Variants in NICN1 observed in about 807,000 individuals in gnomAD.
NICN1 encodes the protein nicolin 1, tubulin polyglutamylase complex subunit.
Under a neutral mutation model 26.3 loss-of-function variants are expected in NICN1, and 18 were observed. The observed-to-expected ratio is 0.68, with a 90% CI of 0.47 to 1.01. NICN1 has a LOEUF of 1.01. NICN1 is among the 50% of genes least tolerant of loss of function. The pLI, the probability that NICN1 is intolerant of heterozygous loss-of-function variation, is 0.00. For synonymous variants in NICN1, 109 were observed against 111.0 expected, an observed-to-expected ratio of 0.98 and a Z score of 0.11; for missense variants, 239 against 278.3, an observed-to-expected ratio of 0.86 and a Z score of 1.00.
At chr3:49,426,509 C>T (rs555768865) in intron 1 of NICN1, 81 bp from the exon 2 acceptor site, 7 of 981,856 alleles carry the variant, frequency 7.1e-6, no homozygotes, top group Non-Finnish European at 1.1e-5. Context: ...GGTGCCACCT[C>T]TTCCTTCTCC....
In NICN1 at chr3:49,425,797, C is replaced by A. The variant is rs771916170; in HGVS notation, c.423+86G>T. 3.2e-4 allele frequency: 221 copies of A among 687,960 alleles called. 1 individual carries two copies. Among genetic ancestry groups the A allele is most frequent in the East Asian group, 1.1e-3 (43 of 37,616 alleles). 42.6% of individuals were successfully genotyped at this position (687,960 alleles called of 1,614,324 possible). On this transcript the variant is annotated intron_variant, in intron 3 of 5. Transcript: ENST00000273598. ...ATGAAGGCCCCATTCACAATCTTCA[C>A]CCATTACCCACCCCACCACCTAGCT...
chr3:49,429,267 C>T lies in NICN1; in HGVS notation c.-28G>A. 6.4e-7 allele frequency: 1 copy of T among 1,574,600 alleles called. No individual in the cohort carries two copies. The highest frequency in any genetic ancestry group is 2.4e-5 in the East Asian group (1 of 41,288). Reference sequence around the variant, plus strand: ...TGACAGCAGCCGCAACTAAGTGCAACCGCCGCTCTAGGCCCCCGACCACCA... The same window carrying T: ...TGACAGCAGCCGCAACTAAGTGCAATCGCCGCTCTAGGCCCCCGACCACCA... On this transcript the variant is annotated 5_prime_UTR_variant, in exon 1 of 6. Coordinates refer to ENST00000273598, the MANE Select transcript of NICN1 (RefSeq NM_032316.3).
chr3:49,424,474 G>C lies in NICN1; in HGVS notation c.*359C>G. 4.7e-6 allele frequency: 2 copies of C among 424,250 alleles called. No homozygotes were observed. Among genetic ancestry groups the C allele is most frequent in the Non-Finnish European group, 8.6e-6 (2 of 231,548 alleles). The allele number at this position is 424,250 out of a possible 1,614,324, so 26.3% of individuals were successfully genotyped here. A position where few individuals can be genotyped will look rare whatever the true frequency, so the allele number is the denominator to read the frequency against. On this transcript the variant is annotated 3_prime_UTR_variant, in exon 6 of 6. Transcript: ENST00000273598. ...TCCATACATGGAGCAGGTTTTAGTA[G>C]GTCAGCCCAGCCCAACTGCACTGAC...
At chr3:49,424,924 C>T (rs2049158586) in intron 5 of NICN1, 25 bp downstream of exon 5, 3 of 1,613,062 alleles carry the variant, frequency 1.9e-6, no homozygotes, top group Non-Finnish European at 8.5e-7. Flanking sequence ...CAAAGCAAGC[C>T]AAGCAGAAGG....
intron 2 of NICN1, 57 bp downstream of exon 2, chr3:49,426,195 C>T (rs999928134): frequency 6.4e-7 from 1 of 1,555,376 alleles, no homozygotes; most frequent in Non-Finnish European, 8.8e-7. Flanking sequence ...ATCCAATCCC[C>T]CCACCTCTGG....
In NICN1 at chr3:49,424,451, C is replaced by T. The variant is rs1575311503; in HGVS notation, c.*382G>A. On this transcript the variant is annotated 3_prime_UTR_variant, in exon 6 of 6. Transcript: ENST00000273598. ...CATGGCAGCAATGGCCTTCCAGGTC[C>T]ATACATGGAGCAGGTTTTAGTAGGT... 5.8e-6 allele frequency: 2 copies of T among 347,336 alleles called. No homozygotes were observed. The highest frequency in any genetic ancestry group is 5.3e-6 in the Non-Finnish European group (1 of 187,506). The allele number at this position is 347,336 out of a possible 1,614,324, so 21.5% of individuals were successfully genotyped here. A position where few individuals can be genotyped will look rare whatever the true frequency, so the allele number is the denominator to read the frequency against.
chr3:49,427,021 T>C (rs2049175784), intron 1 of NICN1, among the ~76,000 whole-genome samples: 1 of 152,036 alleles, frequency 6.6e-6, no homozygotes, highest in Admixed American at 6.6e-5. Context: ...CCAAGTGGAC[T>C]AAGAAATGTA....
chr3:49,426,204 G>T, intron 2 of NICN1, 48 bp downstream of exon 2: 1 of 1,582,298 alleles, frequency 6.3e-7, no homozygotes. Flanking sequence ...CCCCACCTCT[G>T]GTAAGTCCTC....
At position 49,426,388 on chromosome 3, in the gene NICN1, A is replaced by G. The variant is rs778228835; in HGVS notation, c.173T>C (p.Leu58Ser). Residue 58 changes from leucine to serine, a missense_variant, in exon 2 of 6, where the codon TTG (leucine) becomes TCG (serine). By Grantham distance (145) the Leu-to-Ser change is moderately radical. Transcript: ENST00000273598. The stretch of plus-strand genomic sequence containing the variant: ...GGTGTACTGACGGACACGGATGCTC[A>G]AAAAAGCTGTGTAGTAATTCTTAAA... ...ITFKNYYTAFLSIRVRQYTSA... is the reference protein window; with the variant it reads ...ITFKNYYTAFSSIRVRQYTSA... 1 of 1,614,086 alleles carries G rather than the reference A, an allele frequency of 6.2e-7. No homozygotes were observed. Among genetic ancestry groups the G allele is most frequent in the East Asian group, 2.2e-5 (1 of 44,882 alleles).
Position 49,422,540 on chromosome 3 carries a change from G to GTC in NICN1, c.*2291_*2292dup. 5.1e-6 allele frequency: 7 copies of GTC among 1,369,392 alleles called. No homozygotes were observed. Among genetic ancestry groups the GTC allele is most frequent in the African/African-American group, 4.3e-5 (3 of 69,796 alleles). The allele number at this position is 1,369,392 out of a possible 1,614,324, so 84.8% of individuals were successfully genotyped here. A position where few individuals can be genotyped will look rare whatever the true frequency, so the allele number is the denominator to read the frequency against. The stretch of plus-strand genomic sequence containing the variant: ...GTAGTCCAGGCCTCTGCTCGGACAG[G>GTC]TCTCTCTCCGGAGCAAAGGATCTGA... On this transcript the variant is annotated 3_prime_UTR_variant, in exon 6 of 6. Coordinates refer to ENST00000273598, the MANE Select transcript of NICN1 (RefSeq NM_032316.3).
At position 49,422,529 on chromosome 3, in the gene NICN1, T is replaced by G; in HGVS notation, c.*2304A>C. 7.0e-7 allele frequency: 1 copy of G among 1,436,452 alleles called. No individual in the cohort carries two copies. The highest frequency in any genetic ancestry group is 9.7e-7 in the Non-Finnish European group (1 of 1,035,536). 89.0% of individuals were successfully genotyped at this position (1,436,452 alleles called of 1,614,324 possible). On this transcript the variant is annotated 3_prime_UTR_variant, in exon 6 of 6. Coordinates refer to ENST00000273598, the MANE Select transcript of NICN1 (RefSeq NM_032316.3). ...CGCCGGGAGATGTAGTCCAGGCCTC[T>G]GCTCGGACAGGTCTCTCTCCGGAGC...
chr3:49,427,156 C>A (rs2107942820), intron 1 of NICN1, among the ~76,000 whole-genome samples: 1 of 152,090 alleles, frequency 6.6e-6, no homozygotes, highest in South Asian at 2.1e-4. Flanking sequence ...CCCGTCTCTA[C>A]TAAAAATACA....
At position 49,426,355 on chromosome 3, in the gene NICN1, T is replaced by C. The variant is rs778614691; in HGVS notation, c.206A>G (p.His69Arg). The C allele has an allele frequency of 5.6e-6, 9 of 1,614,188 alleles. No homozygotes were observed. The South Asian group carries it at 9.9e-5, about 18-fold the overall frequency. Residue 69 changes from histidine (H) to arginine (R), a missense_variant, in exon 2 of 6, where the codon CAC becomes CGC. Coordinates refer to ENST00000273598, the MANE Select transcript of NICN1 (RefSeq NM_032316.3). ...GCAGGTCACCCACTTGGCAGGTGTG[T>C]GTGCTGAGGTGTACTGACGGACACG... ...SIRVRQYTSAHTPAKWVTCLR... is the reference protein window; with the variant it reads ...SIRVRQYTSARTPAKWVTCLR...
chr3:49,429,275 C>A lies in NICN1; in HGVS notation c.-36G>T. ...GCCGCAACTAAGTGCAACCGCCGCT[C>A]TAGGCCCCCGACCACCAGCCCTTCC... On this transcript the variant is annotated 5_prime_UTR_variant, in exon 1 of 6. Coordinates refer to ENST00000273598, the MANE Select transcript of NICN1 (RefSeq NM_032316.3). 1 of 1,562,282 alleles carries A rather than the reference C, an allele frequency of 6.4e-7. No individual in the cohort carries two copies. Among genetic ancestry groups the A allele is most frequent in the Non-Finnish European group, 8.7e-7 (1 of 1,151,020 alleles).
chr3:49,426,199 CCT>C, intron 2 of NICN1, 51 bp downstream of exon 2: 1 of 1,571,116 alleles, frequency 6.4e-7, no homozygotes, highest in African/African-American at 1.3e-5. Flanking sequence ...AATCCCCCCA[CCT>C]CTGGTAAGTC....
chr3:49,428,854 A>G (rs969831548), intron 1 of NICN1, among the ~76,000 whole-genome samples: 1 of 152,288 alleles, frequency 6.6e-6, no homozygotes, highest in Admixed American at 6.5e-5. Context: ...AGCAAAACCT[A>G]GCCCACTCTC....
Position 49,424,817 on chromosome 3 carries a change from G to T in NICN1, c.*16C>A, listed in dbSNP as rs2049157390. ...GTGGGCACAGAAAGGCCAACATCTT[G>T]GCTAGGAGCAACCATTCAAGTGTAG... On this transcript the variant is annotated 3_prime_UTR_variant, in exon 6 of 6. Coordinates refer to ENST00000273598, the MANE Select transcript of NICN1 (RefSeq NM_032316.3). The T allele has an allele frequency of 6.2e-7, 1 of 1,612,200 alleles. No homozygotes were observed.
rs1171313412 is a variant in NICN1, at chr3:49,422,366, C to T, written c.*2467G>A. 5.0e-6 allele frequency: 8 copies of T among 1,611,510 alleles called. No homozygotes were observed. Among genetic ancestry groups the T allele is most frequent in the East Asian group, 2.2e-5 (1 of 44,738 alleles). ...ATCAGCACCCTCTATCCCACCTGTG[C>T]GCAACTAAGTGGACGACACAAGGCC... On this transcript the variant is annotated 3_prime_UTR_variant, in exon 6 of 6. Coordinates refer to ENST00000273598, the MANE Select transcript of NICN1 (RefSeq NM_032316.3).
rs1229926590 is a variant in NICN1 at position 49,425,865 on chromosome 3, G to A, written c.423+18C>T. The A allele has an allele frequency of 7.2e-7, 1 of 1,384,618 alleles. No homozygotes were observed. The highest frequency in any genetic ancestry group is 1.0e-6 in the Non-Finnish European group (1 of 979,730). The allele number at this position is 1,384,618 out of a possible 1,614,324, so 85.8% of individuals were successfully genotyped here. ...TTTCTGGGGAAAGGGCCAGCCAGCA[G>A]CTGAGCTAGTCACTTACCTTTGGTC... On this transcript the variant is annotated intron_variant, in intron 3 of 5. Transcript: ENST00000273598.
Sources: allele counts gnomAD v4.1 joint callset (sites outside exome capture counted in the v4.1 genomes callset), GRCh38; gene constraint gnomAD v4.1.1; transcripts MANE v1.5; gene names NCBI Gene and HGNC (gene_info 2026-07-23, HGNC 2026-07-21).